Variants in CWF19L2 observed in about 807,000 individuals in gnomAD.
CWF19L2 encodes CWF19 like cell cycle control factor 2, also known as CWF19-like protein 2.
A neutral mutation model predicts 111.7 loss-of-function variants in CWF19L2; 98 were observed. That is an observed-to-expected ratio of 0.88 (90% CI 0.75 to 1.04). The LOEUF (loss-of-function observed/expected upper bound fraction) is 1.04, where lower values mean the gene tolerates loss of function less well. Among genes scored for constraint, CWF19L2 ranks in the 50% least tolerant of loss-of-function variants. CWF19L2 has a pLI of 0.00. For synonymous variants in CWF19L2, 351 were observed against 342.9 expected (o/e 1.02, Z -0.26); for missense variants, 1,101 against 1,051.4 (o/e 1.05, Z -0.65).
rs1860581396 is a variant in CWF19L2, at chr11:107,375,273, A to C, written c.1872+14801T>G. Among the ~76,000 whole-genome samples, 7 of 135,024 alleles carry C rather than the reference A, an allele frequency of 5.2e-5. No individual in the cohort carries two copies. The South Asian group carries it at 1.8e-3, about 35-fold the overall frequency. The allele number at this position is 135,024 out of a possible 152,430, so 88.6% of individuals were successfully genotyped here. A position where few individuals can be genotyped will look rare whatever the true frequency, so the allele number is the denominator to read the frequency against. On this transcript the variant is annotated intron_variant, in intron 12 of 17. Coordinates refer to ENST00000282251, the MANE Select transcript of CWF19L2 (RefSeq NM_152434.3). ...ACTCAGCTCTGCACCAAGCGGACCT[A>C]ATATACATCTACAGAACTCTCCACC... is the stretch of plus-strand genomic sequence containing the variant.
chr11:107,359,819 A>C (rs1860296243), intron 12 of CWF19L2, among the ~76,000 whole-genome samples: 1 of 152,156 alleles, frequency 6.6e-6, no homozygotes, highest in Non-Finnish European at 1.5e-5. Context: ...CGACTCACCG[A>C]ACTTGAAGTT....
At chr11:107,373,934 T>A (rs1860555245) in intron 12 of CWF19L2, among the ~76,000 whole-genome samples, 1 of 135,528 alleles carries the variant, frequency 7.4e-6, no homozygotes, top group South Asian at 2.6e-4. Flanking sequence ...AAGGAGCTGA[T>A]GGAGCTGAAA....
intron 10 of CWF19L2, chr11:107,404,516 A>G: frequency 1.4e-6 from 1 of 720,048 alleles, no homozygotes. Context: ...GTATCCCACA[A>G]ACCTTGGAGT....
At chr11:107,433,880 T>TTATTTATATATATA (rs1328459601) in intron 6 of CWF19L2, 131 bp from the exon 7 acceptor site, 1 of 122,138 alleles carries the variant, frequency 8.2e-6, no homozygotes, top group African/African-American at 3.1e-5. Flanking sequence ...CTTTGGAATT[T>TTATTTATATATATA]TATATATATA....
At chr11:107,442,102 G>C (rs1419738477) in intron 4 of CWF19L2, among the ~76,000 whole-genome samples, 1 of 152,118 alleles carries the variant, frequency 6.6e-6, no homozygotes, top group African/African-American at 2.4e-5. Flanking sequence ...CTATAGAAGG[G>C]TCAGACAGAG....
intron 6 of CWF19L2, among the ~76,000 whole-genome samples, chr11:107,438,155 T>C (rs776650401): frequency 6.6e-6 from 1 of 152,114 alleles, no homozygotes; most frequent in Non-Finnish European, 1.5e-5. Flanking sequence ...ACATTATGTA[T>C]AAAAAGCAGG....
intron 11 of CWF19L2, among the ~76,000 whole-genome samples, chr11:107,391,330 C>T (rs181036628): frequency 5.9e-5 from 9 of 152,234 alleles, no homozygotes; most frequent in Non-Finnish European, 1.5e-5. Context: ...TTTTTCTCTG[C>T]CATTTGAGGA....
intron 12 of CWF19L2, among the ~76,000 whole-genome samples, chr11:107,369,979 A>G (rs1224586226): frequency 7.3e-6 from 1 of 137,706 alleles, no homozygotes; most frequent in Non-Finnish European, 1.6e-5. Flanking sequence ...TGGGATTGTA[A>G]TATTAGCTTT....
chr11:107,335,053 G>A (rs1200385545), intron 15 of CWF19L2, 92 bp from the exon 16 acceptor site: 2 of 773,370 alleles, frequency 2.6e-6, no homozygotes, highest in East Asian at 2.5e-5. Context: ...ATTAATTATG[G>A]GGTATATTAT....
chr11:107,403,814 C>T, intron 10 of CWF19L2: 1 of 850,698 alleles, frequency 1.2e-6, no homozygotes, highest in Non-Finnish European at 2.0e-6. Flanking sequence ...TGTCAGACCG[C>T]ACAACCTTTT....
intron 12 of CWF19L2, among the ~76,000 whole-genome samples, chr11:107,357,068 C>CA (rs1565250840): frequency 6.6e-6 from 1 of 151,800 alleles, no homozygotes; most frequent in African/African-American, 2.4e-5. Flanking sequence ...AAAACAAAAA[C>CA]AAAAACAAAA....
At chr11:107,371,931 T>G (rs1310586287) in intron 12 of CWF19L2, among the ~76,000 whole-genome samples, 1 of 137,718 alleles carries the variant, frequency 7.3e-6, no homozygotes, top group Non-Finnish European at 1.6e-5. Flanking sequence ...TCATCCTTTT[T>G]TGTGCTTGTT....
chr11:107,395,882 C>T lies in CWF19L2; in HGVS notation c.1618-2987G>A, dbSNP rs1410179954. Among the ~76,000 whole-genome samples, 3 of 152,132 alleles carry T rather than the reference C, an allele frequency of 2.0e-5. No homozygotes were observed. The East Asian group carries it at 5.8e-4, about 29-fold the overall frequency. On this transcript the variant is annotated intron_variant, in intron 10 of 17. Coordinates refer to ENST00000282251, the MANE Select transcript of CWF19L2 (RefSeq NM_152434.3). ...AGACTAAGCTATACACTACTGGTAC[C>T]TATAGGACCTGTCACAGTGTCAAAC...
In CWF19L2 at chr11:107,352,730, G is replaced by A. The variant is rs142223047; in HGVS notation, c.2085+794C>T. On this transcript the variant is annotated intron_variant, in intron 13 of 17. Transcript: ENST00000282251. ...AAGATAAGAAAATAAATCAAAAGAAGCCAGAATGGACACTGATGTAACCAC... is the reference window on the plus strand; with the variant it reads ...AAGATAAGAAAATAAATCAAAAGAAACCAGAATGGACACTGATGTAACCAC... Among the ~76,000 whole-genome samples the A allele has an allele frequency of 2.4e-3, 367 of 152,164 alleles. 1 individual carries two copies. The highest frequency in any genetic ancestry group is 8.5e-3 in the African/African-American group (353 of 41,546).
Position 107,418,260 on chromosome 11 carries a change from G to T in CWF19L2, c.1461C>A (p.Ile487=), listed in dbSNP as rs780669370. The part of the protein sequence containing the change: ...AGSPERESIH[I]LSVDEKNKLG... ...ACTTGTTCTTCTCATCAACACTCAG[G>T]ATGTGAATGGACTCACGCTCTGGAC... is the stretch of plus-strand genomic sequence containing the variant. The change falls in exon 9 of 18, where the codon ATC becomes ATA. Residue 487 remains isoleucine (I), a synonymous_variant. Transcript: ENST00000282251. The T allele has an allele frequency of 6.2e-7, 1 of 1,612,656 alleles. No homozygotes were observed. The highest frequency in any genetic ancestry group is 8.5e-7 in the Non-Finnish European group (1 of 1,178,800).
At chr11:107,345,391 A>C (rs1295134886) in intron 14 of CWF19L2, 4 of 406,788 alleles carry the variant, frequency 9.8e-6, no homozygotes, top group South Asian at 7.5e-5. Flanking sequence ...CAATAATAAA[A>C]GTTTAAATAA....
In CWF19L2 at chr11:107,429,078, T is replaced by C. The variant is rs183721372; in HGVS notation, c.1154A>G (p.Lys385Arg). ...TGAAGATGAACTAAGTGGTTCAAAT[T>C]TTCTGCCCTTGCTGTGAAATGACAG... ...EELSFHSKGR[K>R]FEPLSSSSAL... Residue 385 changes from lysine to arginine, a missense_variant, in exon 8 of 18, where the codon AAA becomes AGA. Lys to Arg is a conservative substitution (Grantham distance 26). Coordinates refer to ENST00000282251, the MANE Select transcript of CWF19L2 (RefSeq NM_152434.3). 7.4e-6 allele frequency: 12 copies of C among 1,613,832 alleles called. No homozygotes were observed. The highest frequency in any genetic ancestry group is 1.6e-4 in the Middle Eastern group (1 of 6,062).
chr11:107,330,421 T>C (rs1306905420), intron 16 of CWF19L2, among the ~76,000 whole-genome samples: 1 of 152,116 alleles, frequency 6.6e-6, no homozygotes, highest in Non-Finnish European at 1.5e-5. Context: ...TGCACATACT[T>C]AGAGCTCTCC....
chr11:107,430,076 AG>A (rs1861443670), intron 7 of CWF19L2, among the ~76,000 whole-genome samples: 1 of 152,168 alleles, frequency 6.6e-6, no homozygotes, highest in Admixed American at 6.5e-5. Context: ...ATGGGAATAG[AG>A]CATTAATTTT....
Sources: gnomAD v4.1 joint callset for allele counts (sites outside exome capture counted in the v4.1 genomes callset) on GRCh38, gnomAD v4.1.1 for gene constraint, MANE v1.5 for transcripts, NCBI Gene and HGNC (gene_info 2026-07-23, HGNC 2026-07-21) for gene names.